Variants in SH3GL2 observed in about 807,000 individuals in gnomAD.
SH3GL2 encodes the protein endophilin-A1.
In SH3GL2, 24 loss-of-function variants were observed where a neutral mutation model predicts 46.0. The observed-to-expected ratio is 0.52, with a 90% CI of 0.38 to 0.73. The LOEUF (loss-of-function observed/expected upper bound fraction) is 0.73. Among genes scored for constraint, SH3GL2 ranks in the 30% least tolerant of loss-of-function variants. The pLI is 0.00. For missense variants in SH3GL2, 413 were observed against 424.2 expected (o/e 0.97, Z 0.23); for synonymous variants, 196 against 147.1 (o/e 1.33, Z -2.40).
intron 1 of SH3GL2, among the ~76,000 whole-genome samples, chr9:17,708,841 G>T (rs1278230130): frequency 1.3e-5 from 2 of 151,978 alleles, no homozygotes; most frequent in African/African-American, 4.8e-5. Context: ...AAGTGCATTT[G>T]AGACTCTTTG....
intron 1 of SH3GL2, among the ~76,000 whole-genome samples, chr9:17,630,086 A>G (rs1188718140): frequency 1.3e-5 from 2 of 152,172 alleles, no homozygotes; most frequent in Non-Finnish European, 2.9e-5. Context: ...CCTCAGAATC[A>G]CTGCTTTTGG....
At chr9:17,735,677 C>G in intron 1 of SH3GL2, 1 of 570,538 alleles carries the variant, frequency 1.8e-6, no homozygotes, top group Non-Finnish European at 2.2e-6. Context: ...GGTTCTAGAA[C>G]CAATCCCCTG....
intron 1 of SH3GL2, among the ~76,000 whole-genome samples, chr9:17,614,964 G>C (rs1183943286): frequency 6.6e-6 from 1 of 152,202 alleles, no homozygotes; most frequent in African/African-American, 2.4e-5. Context: ...AGCTTCTGTA[G>C]CCTCCAGCAA....
At chr9:17,656,080 G>T (rs752507168) in intron 1 of SH3GL2, among the ~76,000 whole-genome samples, 1 of 152,076 alleles carries the variant, frequency 6.6e-6, no homozygotes, top group Non-Finnish European at 1.5e-5. Flanking sequence ...TCTTAGACTG[G>T]CTTAGATTGG....
intron 1 of SH3GL2, among the ~76,000 whole-genome samples, chr9:17,717,776 G>A (rs1367010093): frequency 1.4e-5 from 2 of 147,538 alleles, no homozygotes; most frequent in Admixed American, 6.9e-5. Flanking sequence ...TCTATGTGCT[G>A]TAAAGGACTG....
chr9:17,705,649 G>T (rs1288006874), intron 1 of SH3GL2, among the ~76,000 whole-genome samples: 2 of 152,020 alleles, frequency 1.3e-5, no homozygotes, highest in Non-Finnish European at 2.9e-5. Context: ...CATGTCCTTT[G>T]CAGCAACATG....
chr9:17,715,244 A>C (rs1821721495), intron 1 of SH3GL2, among the ~76,000 whole-genome samples: 1 of 149,786 alleles, frequency 6.7e-6, no homozygotes, highest in African/African-American at 2.5e-5. Flanking sequence ...GGCTGGTCAC[A>C]AAATTGCTTT....
intron 1 of SH3GL2, among the ~76,000 whole-genome samples, chr9:17,672,894 C>T (rs1460193962): frequency 6.6e-6 from 1 of 152,176 alleles, no homozygotes; most frequent in African/African-American, 2.4e-5. Flanking sequence ...GATTTTCGTA[C>T]ATTCATAGGC....
chr9:17,688,413 C>G (rs1820982631), intron 1 of SH3GL2, among the ~76,000 whole-genome samples: 1 of 152,020 alleles, frequency 6.6e-6, no homozygotes, highest in Non-Finnish European at 1.5e-5. Context: ...TACTGTTTAA[C>G]AGGTGAAGCT....
intron 1 of SH3GL2, among the ~76,000 whole-genome samples, chr9:17,727,423 A>G (rs752159826): frequency 1.3e-5 from 2 of 152,172 alleles, no homozygotes; most frequent in Non-Finnish European, 2.9e-5. Context: ...AAGTTTTAAA[A>G]TATTTCTATT....
intron 5 of SH3GL2, among the ~76,000 whole-genome samples, chr9:17,788,346 G>T (rs1824021768): frequency 6.6e-6 from 1 of 152,128 alleles, no homozygotes; most frequent in South Asian, 2.1e-4. Context: ...CCTTCCAAAT[G>T]AGCATTTAGT....
intron 1 of SH3GL2, among the ~76,000 whole-genome samples, chr9:17,631,363 C>A (rs1438039394): frequency 6.6e-6 from 1 of 152,174 alleles, no homozygotes; most frequent in Non-Finnish European, 1.5e-5. Context: ...TTCTGACATC[C>A]CCTCTTGCTC....
At chr9:17,724,790 C>A (rs527393789) in intron 1 of SH3GL2, among the ~76,000 whole-genome samples, 9 of 152,250 alleles carry the variant, frequency 5.9e-5, no homozygotes, top group African/African-American at 2.2e-4. Flanking sequence ...CTCTGTGTGG[C>A]CCCTGATGTC....
intron 1 of SH3GL2, among the ~76,000 whole-genome samples, chr9:17,595,023 A>G (rs1029894386): frequency 1.1e-4 from 16 of 152,214 alleles, no homozygotes; most frequent in African/African-American, 2.2e-4. Context: ...TCATTGTACA[A>G]ATGGCTAGCC....
intron 2 of SH3GL2, among the ~76,000 whole-genome samples, chr9:17,758,561 CAAAAAAAAAAAAAAAAA>C (rs57019804): frequency 0.032 from 953 of 29,324 alleles, 44 homozygotes; most frequent in African/African-American, 0.065. Context: ...GACCCTGTCT[CAAAAAAAAAAAAAAAAA>C]AAAAAAAAAA....
At chr9:17,692,869 G>A (rs1390703252) in intron 1 of SH3GL2, among the ~76,000 whole-genome samples, 1 of 152,056 alleles carries the variant, frequency 6.6e-6, no homozygotes, top group Non-Finnish European at 1.5e-5. Context: ...TTCTAACATG[G>A]TGGTGGCAAG....
rs73424595 is a variant in SH3GL2 at position 17,790,156 on chromosome 9, A to T, written c.624+606A>T. Among the ~76,000 whole-genome samples the T allele has an allele frequency of 7.3e-3, 1,116 of 152,300 alleles. 15 individuals carry two copies. Among genetic ancestry groups the T allele is most frequent in the African/African-American group, 0.026 (1,076 of 41,574 alleles). On this transcript the variant is annotated intron_variant, in intron 6 of 8. Transcript: ENST00000380607. ...CGTATGGGTGTCCCTTCGCTAGAAGAGAGAGAGAACAAACTTGCCTTTCCT... is the reference window on the plus strand; with the variant it reads ...CGTATGGGTGTCCCTTCGCTAGAAGTGAGAGAGAACAAACTTGCCTTTCCT...
intron 1 of SH3GL2, among the ~76,000 whole-genome samples, chr9:17,582,692 C>T (rs193073847): frequency 2.6e-5 from 4 of 152,166 alleles, no homozygotes; most frequent in Non-Finnish European, 4.4e-5. Context: ...GTCGTTTCAA[C>T]GACAGAAATA....
At chr9:17,722,379 A>T (rs922702662) in intron 1 of SH3GL2, among the ~76,000 whole-genome samples, 1 of 152,134 alleles carries the variant, frequency 6.6e-6, no homozygotes, top group Non-Finnish European at 1.5e-5. Context: ...TTAATGTCTC[A>T]ATACTCAAGA....
Sources: gnomAD v4.1 joint callset for allele counts (sites outside exome capture counted in the v4.1 genomes callset) on GRCh38, gnomAD v4.1.1 for gene constraint, MANE v1.5 for transcripts, NCBI Gene and HGNC (gene_info 2026-07-23, HGNC 2026-07-21) for gene names.